PLEKHA8: variants seen among roughly 807,000 people sequenced by gnomAD.
The protein encoded by PLEKHA8 is pleckstrin homology domain-containing family A member 8.
PLEKHA8 carries 36 observed loss-of-function variants against 68.2 expected under a neutral mutation model. The ratio of observed to expected loss-of-function variants is 0.53; its 90% CI spans 0.40 to 0.70. The LOEUF (loss-of-function observed/expected upper bound fraction) is 0.70, where lower values mean the gene tolerates loss of function less well. Among genes scored for constraint, PLEKHA8 ranks in the 30% least tolerant of loss-of-function variants. PLEKHA8 has a pLI of 0.00. For missense variants in PLEKHA8, 505 were observed against 615.4 expected (o/e 0.82, Z 1.90); for synonymous variants, 211 against 216.1 (o/e 0.98, Z 0.20).
At position 30,118,727 on chromosome 7, in the gene PLEKHA8, G is replaced by A. The variant is rs1026674672; in HGVS notation, c.1363-10539G>A. ...CCAGCAGCTGGGACTACAGGCGCCC[G>A]CCGCCACGCCTGGCTAATTTTTTGT... is the stretch of plus-strand genomic sequence containing the variant. On this transcript the variant is annotated intron_variant, in intron 13 of 13. Coordinates refer to the PLEKHA8 transcript ENST00000396257. Among the ~76,000 whole-genome samples the A allele has an allele frequency of 7.9e-5, 12 of 152,146 alleles. No homozygotes were observed. The East Asian group carries it at 1.9e-3, about 25-fold the overall frequency.
intron 13 of PLEKHA8, among the ~76,000 whole-genome samples, chr7:30,096,923 A>G (rs914905011): frequency 6.6e-6 from 1 of 152,108 alleles, no homozygotes; most frequent in Non-Finnish European, 1.5e-5. Flanking sequence ...CCTAGCCTTA[A>G]TGGTCTTTAC....
intron 13 of PLEKHA8, among the ~76,000 whole-genome samples, chr7:30,076,001 CTG>C (rs1440052849): frequency 6.6e-6 from 1 of 151,806 alleles, no homozygotes; most frequent in African/African-American, 2.4e-5. Flanking sequence ...TTGTATTTTA[CTG>C]TCTTAGCTTT....
At chr7:30,056,228 C>T (rs1296088905) in intron 9 of PLEKHA8, among the ~76,000 whole-genome samples, 1 of 145,924 alleles carries the variant, frequency 6.9e-6, no homozygotes, top group African/African-American at 2.5e-5. Context: ...CAGGTGTGAG[C>T]CACCACGCCC....
At chr7:30,104,738 T>TC (rs1234959039) in intron 13 of PLEKHA8, among the ~76,000 whole-genome samples, 2 of 146,684 alleles carry the variant, frequency 1.4e-5, no homozygotes, top group African/African-American at 2.5e-5. Context: ...TTTTTTTTTT[T>TC]CTGAGGCAGA....
intron 11 of PLEKHA8, among the ~76,000 whole-genome samples, chr7:30,062,337 A>G (rs1005497074): frequency 6.6e-6 from 1 of 152,218 alleles, no homozygotes; most frequent in African/African-American, 2.4e-5. Context: ...TGTTAAAAAC[A>G]CTAGACTCGG....
At chr7:30,052,971 G>T (rs1792545603) in intron 7 of PLEKHA8, 105 bp downstream of exon 7, 2 of 917,288 alleles carry the variant, frequency 2.2e-6, no homozygotes, top group Non-Finnish European at 3.2e-6. Flanking sequence ...CCATGTAGTA[G>T]TGTCTGCTAA....
At chr7:30,095,775 A>G (rs1257176969) in intron 13 of PLEKHA8, among the ~76,000 whole-genome samples, 1 of 152,228 alleles carries the variant, frequency 6.6e-6, no homozygotes, top group African/African-American at 2.4e-5. Flanking sequence ...CATTTATTAA[A>G]TAGGGAATCG....
At position 30,068,472 on chromosome 7, in the gene PLEKHA8, G is replaced by A. The variant is rs2127992378; in HGVS notation, c.1301-5599G>A. ...GTTTTTGTTCTTAGATTACAAGTAA[G>A]GTTGAGTAGCTTTTCCTGTCTTCAC... On this transcript the variant is annotated intron_variant, in intron 12 of 13. Coordinates refer to ENST00000449726, the MANE Select transcript of PLEKHA8 (RefSeq NM_001197026.2). Among the ~76,000 whole-genome samples the A allele has an allele frequency of 3.3e-5, 5 of 152,222 alleles. No individual in the cohort carries two copies. In the South Asian group the frequency reaches 1.0e-3, roughly 32 times the overall value.
intron 12 of PLEKHA8, among the ~76,000 whole-genome samples, chr7:30,067,018 A>G (rs1264522299): frequency 6.6e-6 from 1 of 152,236 alleles, no homozygotes; most frequent in Admixed American, 6.5e-5. Flanking sequence ...TTTGCAGCAT[A>G]TGCCTCCACT....
At chr7:30,075,591 A>G (rs1046905288) in intron 13 of PLEKHA8, among the ~76,000 whole-genome samples, 4 of 152,238 alleles carry the variant, frequency 2.6e-5, no homozygotes, top group Admixed American at 2.6e-4. Flanking sequence ...TGAAGACACA[A>G]TCACTGAGAG....
chr7:30,037,947 A>G (rs1248607458), intron 1 of PLEKHA8, among the ~76,000 whole-genome samples: 9 of 150,978 alleles, frequency 6.0e-5, no homozygotes, highest in Admixed American at 2.6e-4. Flanking sequence ...TCCTCCCCCA[A>G]CCCCCTCTTA....
intron 11 of PLEKHA8, among the ~76,000 whole-genome samples, chr7:30,062,346 G>A (rs1208205145): frequency 1.3e-5 from 2 of 152,206 alleles, no homozygotes; most frequent in Non-Finnish European, 1.5e-5. Flanking sequence ...CACTAGACTC[G>A]GAAACAGTTT....
intron 13 of PLEKHA8, among the ~76,000 whole-genome samples, chr7:30,103,566 T>TATTG (rs1382030553): frequency 6.6e-6 from 1 of 152,218 alleles, no homozygotes; most frequent in Non-Finnish European, 1.5e-5. Context: ...AGATGGTATG[T>TATTG]ATTGGTGTAA....
chr7:30,104,205 A>T (rs1413130435), intron 13 of PLEKHA8, among the ~76,000 whole-genome samples: 1 of 152,252 alleles, frequency 6.6e-6, no homozygotes, highest in South Asian at 2.1e-4. Context: ...AACAACAAAC[A>T]TTGGCAACTG....
intron 1 of PLEKHA8, among the ~76,000 whole-genome samples, chr7:30,039,241 C>T (rs1213231395): frequency 5.3e-5 from 8 of 152,134 alleles, no homozygotes; most frequent in Non-Finnish European, 1.2e-4. Context: ...TGGCCAGGTG[C>T]GGTGGCTCAC....
At chr7:30,057,026 A>C (rs544228144) in intron 9 of PLEKHA8, among the ~76,000 whole-genome samples, 10 of 151,420 alleles carry the variant, frequency 6.6e-5, no homozygotes, top group African/African-American at 1.2e-4. Flanking sequence ...TAATGTGTTG[A>C]AATTTGCTTT....
chr7:30,041,320 A>G (rs1185173925), intron 1 of PLEKHA8, among the ~76,000 whole-genome samples: 2 of 152,148 alleles, frequency 1.3e-5, no homozygotes, highest in Non-Finnish European at 2.9e-5. Flanking sequence ...ATTGCCATAT[A>G]TTGAACATCC....
chr7:30,122,904 G>A (rs1020196873), intron 13 of PLEKHA8, among the ~76,000 whole-genome samples: 1 of 152,152 alleles, frequency 6.6e-6, no homozygotes, highest in South Asian at 2.1e-4. Flanking sequence ...GAGAGGAAGG[G>A]ACTGGAAATA....
intron 1 of PLEKHA8, 31 bp downstream of exon 1, chr7:30,028,833 C>T (rs1160576332): frequency 8.0e-6 from 10 of 1,253,178 alleles, no homozygotes; most frequent in African/African-American, 1.5e-5. Flanking sequence ...GGGGGCGCGC[C>T]GGGGGCCGGT....
Sources: gnomAD v4.1 joint callset for allele counts (sites outside exome capture counted in the v4.1 genomes callset) on GRCh38, gnomAD v4.1.1 for gene constraint, MANE v1.5 for transcripts, NCBI Gene and HGNC (gene_info 2026-07-23, HGNC 2026-07-21) for gene names.